The following USH2A variants were observed in gnomAD, a reference collection of about 807,000 sequenced individuals.
USH2A encodes the protein Usher syndrome 2A (autosomal recessive, mild).
USH2A carries 443 observed loss-of-function variants against 538.9 expected under a neutral mutation model. The ratio of observed to expected loss-of-function variants is 0.82; its 90% CI spans 0.76 to 0.89. The LOEUF is 0.89. Among genes scored for constraint, USH2A ranks in the 40% least tolerant of loss-of-function variants. The probability of loss-of-function intolerance (pLI) is 0.00; values close to 1 mark genes in which losing one functional copy is unlikely to be tolerated. For synonymous variants in USH2A, 2,413 were observed against 2,273.5 expected (o/e 1.06, Z -1.75); for missense variants, 6,633 against 6,324.8 (o/e 1.05, Z -1.65).
intron 43 of USH2A, among the ~76,000 whole-genome samples, chr1:215,869,809 G>A (rs1021806655): frequency 1.3e-5 from 2 of 152,086 alleles, no homozygotes; most frequent in African/African-American, 4.8e-5. Flanking sequence ...ATATCAGGTG[G>A]CGCTAAAATG....
intron 21 of USH2A, among the ~76,000 whole-genome samples, chr1:216,116,670 T>C: frequency 6.6e-6 from 1 of 152,138 alleles, no homozygotes; most frequent in Non-Finnish European, 1.5e-5. Flanking sequence ...TAATAGACTG[T>C]TAACTCACAA....
chr1:215,877,975 A>G, intron 42 of USH2A, 95 bp from the exon 43 acceptor site: 1 of 1,531,806 alleles, frequency 6.5e-7, no homozygotes, highest in Non-Finnish European at 9.0e-7. Flanking sequence ...CGTGTGATAT[A>G]TGCGTGGAAG....
chr1:216,040,092 C>T (rs1379677816), intron 32 of USH2A, among the ~76,000 whole-genome samples: 2 of 150,732 alleles, frequency 1.3e-5, no homozygotes, highest in Non-Finnish European at 3.0e-5. Context: ...CACGCATGCA[C>T]ACACTCATTA....
chr1:215,697,252 C>A (rs556088030), intron 61 of USH2A, among the ~76,000 whole-genome samples: 3 of 152,016 alleles, frequency 2.0e-5, no homozygotes, highest in East Asian at 1.9e-4. Context: ...AGTCACCTCA[C>A]CTGGCCTGCC....
At chr1:216,121,541 A>G (rs1314384436) in intron 21 of USH2A, among the ~76,000 whole-genome samples, 1 of 152,168 alleles carries the variant, frequency 6.6e-6, no homozygotes, top group Non-Finnish European at 1.5e-5. Flanking sequence ...AAATAACTTC[A>G]GTCATGTTTG....
intron 38 of USH2A, among the ~76,000 whole-genome samples, chr1:215,920,746 C>T (rs2102488151): frequency 6.6e-6 from 1 of 152,142 alleles, no homozygotes; most frequent in South Asian, 2.1e-4. Context: ...AATGCACAGT[C>T]TAAGATACAC....
At position 215,625,818 on chromosome 1, in the gene USH2A, G is replaced by T; in HGVS notation, c.15572C>A (p.Thr5191Asn). 1 of 1,614,098 alleles carries T rather than the reference G, an allele frequency of 6.2e-7. No homozygotes were observed. Residue 5191 changes from threonine to asparagine, a missense_variant, in exon 72 of 72, where the codon ACT (threonine) becomes AAT (asparagine). By Grantham distance (65) the Thr-to-Asn change is moderately conservative (BLOSUM62 0). Coordinates refer to ENST00000307340, the MANE Select transcript of USH2A (RefSeq NM_206933.4). ...GTCTGTGAATGTGGTGCGTTCCTTA[G>T]TCACTGAGCTGAAATCCTTGATGGC... Reference protein sequence around the residue: ...MNAIKDFSSVTKERTTFTDTH... With the variant: ...MNAIKDFSSVNKERTTFTDTH...
chr1:215,848,444 T>C (rs1250310166), intron 44 of USH2A, among the ~76,000 whole-genome samples: 1 of 152,196 alleles, frequency 6.6e-6, no homozygotes, highest in Non-Finnish European at 1.5e-5. Context: ...TATACCTATG[T>C]AGATACATTA....
intron 38 of USH2A, among the ~76,000 whole-genome samples, chr1:215,929,758 A>C (rs1435297787): frequency 6.6e-6 from 1 of 152,098 alleles, no homozygotes; most frequent in Non-Finnish European, 1.5e-5. Context: ...AAGCTCAGTT[A>C]TATCTGCAGA....
chr1:216,415,633 G>T (rs1026753797), intron 3 of USH2A, among the ~76,000 whole-genome samples: 3 of 148,590 alleles, frequency 2.0e-5, no homozygotes, highest in African/African-American at 7.5e-5. Context: ...TTTCACTTTA[G>T]CCCCAACCTC....
chr1:216,159,281 G>T (rs748214637), intron 21 of USH2A, among the ~76,000 whole-genome samples: 1 of 152,056 alleles, frequency 6.6e-6, no homozygotes, highest in East Asian at 1.9e-4. Context: ...TGACCTCTGG[G>T]AAAAAGCACT....
intron 64 of USH2A, among the ~76,000 whole-genome samples, chr1:215,664,145 T>A (rs1657531645): frequency 1.3e-5 from 2 of 152,220 alleles, no homozygotes; most frequent in African/African-American, 4.8e-5. Flanking sequence ...TAGTTTACAT[T>A]GGCTTTCTGT....
chr1:216,136,893 A>G (rs574450318), intron 21 of USH2A, among the ~76,000 whole-genome samples: 141 of 152,302 alleles, frequency 9.3e-4, no homozygotes, highest in African/African-American at 3.1e-3. Context: ...CTCAGAAGAT[A>G]TCAATCCTGC....
chr1:215,869,399 C>T lies in USH2A; in HGVS notation c.8682-2229G>A, dbSNP rs141961844. Reference sequence around the variant, plus strand: ...TCATATCACTAAGGCTTGAACTTTGCGTTATTTTTCTAGCAGAGGGAATAG... The same window carrying T: ...TCATATCACTAAGGCTTGAACTTTGTGTTATTTTTCTAGCAGAGGGAATAG... On this transcript the variant is annotated intron_variant, in intron 43 of 71. Transcript: ENST00000307340. Among the ~76,000 whole-genome samples, 17 of 152,186 alleles carry T rather than the reference C, an allele frequency of 1.1e-4. No individual in the cohort carries two copies. The East Asian group carries it at 2.3e-3, about 21-fold the overall frequency.
At chr1:215,973,422 T>C (rs1302038747) in intron 35 of USH2A, among the ~76,000 whole-genome samples, 2 of 152,150 alleles carry the variant, frequency 1.3e-5, no homozygotes, top group African/African-American at 4.8e-5. Context: ...ACACAGAATA[T>C]AATGAATATA....
At chr1:216,055,856 C>A (rs918216068) in intron 30 of USH2A, among the ~76,000 whole-genome samples, 1 of 152,190 alleles carries the variant, frequency 6.6e-6, no homozygotes, top group Non-Finnish European at 1.5e-5. Context: ...TTGGAAACTT[C>A]AAAACTAATT....
In USH2A at chr1:215,674,914, G is replaced by C. The variant is rs770620234; in HGVS notation, c.12997C>G (p.Leu4333Val). Residue 4333 changes from leucine (L) to valine (V), a missense_variant, in exon 63 of 72, where the codon CTC becomes GTC. Transcript: ENST00000307340. ...CATCCTCCACTCGTGCAGGCTTGGA[G>C]TGCATAGCTATAGGTGGAAAAAGGA... is the stretch of plus-strand genomic sequence containing the variant. ...LLPFSTYSYA[L>V]QACTSGGCST... The C allele has an allele frequency of 6.2e-6, 10 of 1,614,056 alleles. No homozygotes were observed. Among genetic ancestry groups the C allele is most frequent in the Non-Finnish European group, 7.6e-6 (9 of 1,180,038 alleles).
intron 9 of USH2A, among the ~76,000 whole-genome samples, chr1:216,319,513 G>T (rs191551382): frequency 1.1e-3 from 164 of 152,118 alleles, no homozygotes; most frequent in Non-Finnish European, 1.8e-3. Context: ...AACCATAAAA[G>T]ATTTCTTCTT....
chr1:215,838,000 A>T lies in USH2A; in HGVS notation c.9362T>A (p.Ile3121Asn), dbSNP rs1163341911. The T allele has an allele frequency of 1.9e-6, 3 of 1,613,568 alleles. No homozygotes were observed. The highest frequency in any genetic ancestry group is 1.7e-6 in the Non-Finnish European group (2 of 1,179,598). Residue 3121 changes from isoleucine to asparagine, a missense_variant, in exon 47 of 72, where the codon ATC becomes AAC. Transcript: ENST00000307340. ...ACACAAAATTTTGTACCTTGAAGTGATGCCACGAATTGTGGGTGTTGGTAT... is the reference window on the plus strand; with the variant it reads ...ACACAAAATTTTGTACCTTGAAGTGTTGCCACGAATTGTGGGTGTTGGTAT... ...SDIPTPTIRG[I>N]TSRSLQIDWV...
Sources: allele counts gnomAD v4.1 joint callset (sites outside exome capture counted in the v4.1 genomes callset), GRCh38; gene constraint gnomAD v4.1.1; transcripts MANE v1.5; gene names NCBI Gene and HGNC (gene_info 2026-07-23, HGNC 2026-07-21).